The following STRBP variants were observed in gnomAD, a reference collection of about 807,000 sequenced individuals.
The protein encoded by STRBP is spermatid perinuclear RNA binding protein.
Under a neutral mutation model 80.1 loss-of-function variants are expected in STRBP, and 13 were observed. The ratio of observed to expected loss-of-function variants is 0.16; its 90% confidence interval spans 0.11 to 0.26. The LOEUF is 0.26. STRBP is among the 10% of genes least tolerant of loss of function. The pLI is 1.00. For missense variants in STRBP, 485 were observed against 815.2 expected (o/e 0.59, Z 4.93); for synonymous variants, 284 against 291.2 (o/e 0.98, Z 0.25).
At chr9:123,222,727 A>T (rs1464100416) in intron 2 of STRBP, among the ~76,000 whole-genome samples, 1 of 152,222 alleles carries the variant, frequency 6.6e-6, no homozygotes, top group Admixed American at 6.5e-5. Context: ...CTCTTAAAGA[A>T]GTTGAATTAA....
intron 17 of STRBP, among the ~76,000 whole-genome samples, chr9:123,130,038 G>C (rs2036068416): frequency 6.6e-6 from 1 of 152,108 alleles, no homozygotes; most frequent in Non-Finnish European, 1.5e-5. Flanking sequence ...GCAGTTCTAA[G>C]GATTATACCA....
chr9:123,253,913 G>C (rs2040967964), intron 1 of STRBP, among the ~76,000 whole-genome samples: 1 of 152,122 alleles, frequency 6.6e-6, no homozygotes, highest in Non-Finnish European at 1.5e-5. Flanking sequence ...TAATGGGTAA[G>C]GGGTTTTATT....
At chr9:123,243,265 C>CAAAAAAAAAAAAAAAA (rs1160280485) in intron 1 of STRBP, among the ~76,000 whole-genome samples, 1 of 78,954 alleles carries the variant, frequency 1.3e-5, no homozygotes, top group Admixed American at 1.5e-4. Context: ...ATCAATAAGA[C>CAAAAAAAAAAAAAAAA]AAAAAAAAAA....
chr9:123,206,160 T>C (rs1010311109), intron 2 of STRBP, among the ~76,000 whole-genome samples: 9 of 152,238 alleles, frequency 5.9e-5, no homozygotes, highest in Non-Finnish European at 1.3e-4. Flanking sequence ...GATTACTTTT[T>C]ACTTTTTTAA....
At chr9:123,174,792 T>C (rs2038151129) in intron 4 of STRBP, among the ~76,000 whole-genome samples, 1 of 152,236 alleles carries the variant, frequency 6.6e-6, no homozygotes, top group Non-Finnish European at 1.5e-5. Flanking sequence ...AATCAAGTCA[T>C]AAATGGTGCA....
At chr9:123,197,205 A>T (rs1216948124) in intron 2 of STRBP, among the ~76,000 whole-genome samples, 1 of 152,220 alleles carries the variant, frequency 6.6e-6, no homozygotes, top group Non-Finnish European at 1.5e-5. Context: ...TTAAACTCAA[A>T]GAAATAGAGA....
chr9:123,149,030 A>G (rs1411606574), intron 11 of STRBP, among the ~76,000 whole-genome samples: 1 of 152,220 alleles, frequency 6.6e-6, no homozygotes, highest in Non-Finnish European at 1.5e-5. Context: ...TCATCAACCT[A>G]TTCAAGTACT....
intron 6 of STRBP, among the ~76,000 whole-genome samples, chr9:123,163,844 G>A (rs148331208): frequency 6.6e-6 from 1 of 152,204 alleles, no homozygotes; most frequent in East Asian, 1.9e-4. Flanking sequence ...TAATGTAGGC[G>A]TTTAAATTTT....
chr9:123,116,709 C>T (rs1176865970), downstream of STRBP, among the ~76,000 whole-genome samples: 1 of 152,138 alleles, frequency 6.6e-6, no homozygotes, highest in Non-Finnish European at 1.5e-5. Flanking sequence ...GCCAAGTGGG[C>T]TTGGAAGACA....
intron 2 of STRBP, among the ~76,000 whole-genome samples, chr9:123,191,092 T>C (rs1331331525): frequency 4.6e-5 from 7 of 151,992 alleles, no homozygotes; most frequent in Admixed American, 3.9e-4. Context: ...AGACAATAAA[T>C]ATAAAAATAA....
Position 123,124,022 on chromosome 9 carries a change from G to T in STRBP, c.*1575C>A, listed in dbSNP as rs1388911198. On this transcript the variant is annotated 3_prime_UTR_variant, in exon 19 of 19. Coordinates refer to ENST00000348403, the MANE Select transcript of STRBP (RefSeq NM_018387.5). ...TCACCCACCACTAATAAAGACAAAA[G>T]ACCAAGGAGAAGAAACAAACTAATC... 1.0e-6 allele frequency: 1 copy of T among 985,260 alleles called. No homozygotes were observed. The highest frequency in any genetic ancestry group is 1.2e-6 in the Non-Finnish European group (1 of 829,932). 61.0% of individuals were successfully genotyped at this position (985,260 alleles called of 1,614,324 possible).
At chr9:123,143,542 T>G (rs1484936510) in intron 13 of STRBP, among the ~76,000 whole-genome samples, 1 of 152,258 alleles carries the variant, frequency 6.6e-6, no homozygotes, top group African/African-American at 2.4e-5. Flanking sequence ...GATGCAAAAT[T>G]CTTTCTCGCT....
chr9:123,204,090 T>C (rs149618205), intron 2 of STRBP, among the ~76,000 whole-genome samples: 2 of 152,378 alleles, frequency 1.3e-5, no homozygotes, highest in African/African-American at 4.8e-5. Flanking sequence ...GCAGATGGTG[T>C]CTTTGTTTAC....
In STRBP at chr9:123,132,885, A is replaced by G. The variant is rs779584502; in HGVS notation, c.1857T>C (p.Ala619=). ...CAGGAGCAGCTGTCGCCCCAACAAA[A>G]GCTCCCCTTGTTAGAGTTCCTCTTC... ...GRGRGTLTRG[A]FVGATAAPGY... is the part of the protein sequence containing the mutation. Residue 619 remains alanine, a synonymous_variant, in exon 17 of 19, where the codon GCT becomes GCC. Coordinates refer to ENST00000348403, the MANE Select transcript of STRBP (RefSeq NM_018387.5). The G allele has an allele frequency of 6.8e-6, 11 of 1,613,964 alleles. No individual in the cohort carries two copies. The East Asian group carries it at 1.3e-4, about 20-fold the overall frequency.
intron 2 of STRBP, among the ~76,000 whole-genome samples, chr9:123,198,848 C>G (rs1160274531): frequency 2.6e-5 from 4 of 152,144 alleles, no homozygotes; most frequent in Non-Finnish European, 4.4e-5. Context: ...AAATAGTGTC[C>G]ATTCCCCAAT....
chr9:123,199,454 T>C (rs1263814334), intron 2 of STRBP, among the ~76,000 whole-genome samples: 1 of 152,236 alleles, frequency 6.6e-6, no homozygotes, highest in African/African-American at 2.4e-5. Context: ...GCATTGAATC[T>C]GTAGATTGCT....
chr9:123,144,135 C>A (rs1363307497), intron 13 of STRBP, among the ~76,000 whole-genome samples: 1 of 148,798 alleles, frequency 6.7e-6, no homozygotes, highest in African/African-American at 2.5e-5. Flanking sequence ...GAGGCAGAGG[C>A]TGCAGTGAGC....
intron 5 of STRBP, among the ~76,000 whole-genome samples, chr9:123,170,271 T>A (rs955583560): frequency 2.0e-5 from 3 of 152,192 alleles, no homozygotes; most frequent in Non-Finnish European, 4.4e-5. Flanking sequence ...AACCACAATG[T>A]CAACCATCCA....
At chr9:123,263,942 G>A (rs2041213580) in intron 1 of STRBP, among the ~76,000 whole-genome samples, 1 of 152,262 alleles carries the variant, frequency 6.6e-6, no homozygotes, top group African/African-American at 2.4e-5. Context: ...CACTTTGGGA[G>A]GCCGAGGCGG....
Sources: allele counts gnomAD v4.1 joint callset (sites outside exome capture counted in the v4.1 genomes callset), GRCh38; gene constraint gnomAD v4.1.1; transcripts MANE v1.5; gene names NCBI Gene and HGNC (gene_info 2026-07-23, HGNC 2026-07-21).